The following RAPGEF4 variants were observed in gnomAD, a reference collection of about 807,000 sequenced individuals.
RAPGEF4 encodes Rap guanine nucleotide exchange factor 4.
In RAPGEF4, 66 loss-of-function variants were observed where a neutral mutation model predicts 147.9. The observed-to-expected ratio is 0.45, with a 90% CI of 0.37 to 0.55. RAPGEF4 has a LOEUF of 0.55. Ranked by LOEUF, RAPGEF4 falls within the 20% of genes least tolerant of loss-of-function variation. The pLI, the probability that RAPGEF4 is intolerant of heterozygous loss-of-function variation, is 0.00. For synonymous variants in RAPGEF4, 419 were observed against 442.7 expected (o/e 0.95, Z 0.67); for missense variants, 1,071 against 1,257.3 (o/e 0.85, Z 2.24).
intron 9 of RAPGEF4, among the ~76,000 whole-genome samples, chr2:172,966,274 A>G (rs536297277): frequency 6.6e-6 from 1 of 152,330 alleles, no homozygotes; most frequent in South Asian, 2.1e-4. Flanking sequence ...TGTTTAAGAC[A>G]CTTCCAAACA....
At chr2:172,900,365 G>A (rs968632189) in intron 4 of RAPGEF4, among the ~76,000 whole-genome samples, 14 of 152,150 alleles carry the variant, frequency 9.2e-5, no homozygotes, top group Admixed American at 5.9e-4. Context: ...TCAGCTGCCC[G>A]AGTAGCTGGG....
intron 6 of RAPGEF4, among the ~76,000 whole-genome samples, chr2:172,954,125 G>A (rs1453285460): frequency 6.6e-6 from 1 of 152,136 alleles, no homozygotes; most frequent in Non-Finnish European, 1.5e-5. Flanking sequence ...GTTGAAGTAG[G>A]TAAAACTCAC....
intron 17 of RAPGEF4, among the ~76,000 whole-genome samples, chr2:173,010,036 G>A (rs537130306): frequency 5.3e-5 from 8 of 152,314 alleles, no homozygotes; most frequent in African/African-American, 1.7e-4. Flanking sequence ...TAAGAGAACT[G>A]AGTTCTAGTT....
chr2:173,040,245 T>C (rs1684594577), intron 29 of RAPGEF4, among the ~76,000 whole-genome samples: 1 of 150,808 alleles, frequency 6.6e-6, no homozygotes, highest in African/African-American at 2.4e-5. Flanking sequence ...GAAAATGAAA[T>C]GAAATTTCAA....
intron 6 of RAPGEF4, among the ~76,000 whole-genome samples, chr2:172,960,470 A>G (rs1689169521): frequency 6.6e-6 from 1 of 152,102 alleles, no homozygotes; most frequent in South Asian, 2.1e-4. Context: ...GGCTCTGAAT[A>G]GATATTTATT....
chr2:173,019,145 G>T (rs543712326), intron 22 of RAPGEF4, among the ~76,000 whole-genome samples: 1 of 152,326 alleles, frequency 6.6e-6, no homozygotes, highest in South Asian at 2.1e-4. Flanking sequence ...AGCTGGACAA[G>T]CTCAAGGCCA....
At position 172,983,655 on chromosome 2, in the gene RAPGEF4, C is replaced by T. The variant is rs186824042; in HGVS notation, c.1089+75C>T. 126 of 1,565,340 alleles carry T rather than the reference C, an allele frequency of 8.0e-5. No homozygotes were observed. In the African/African-American group the frequency reaches 1.3e-3, roughly 16 times the overall value. On this transcript the variant is annotated intron_variant, in intron 11 of 30. Coordinates refer to ENST00000397081, the MANE Select transcript of RAPGEF4 (RefSeq NM_007023.4). ...ACTGTTAGGACAGAGGAGAGTATTA[C>T]GGTGTTGTGGGGGGAAAGAATGTCT...
intron 1 of RAPGEF4, among the ~76,000 whole-genome samples, chr2:172,782,368 C>T (rs376293031): frequency 4.6e-5 from 7 of 152,182 alleles, no homozygotes; most frequent in Admixed American, 1.3e-4. Flanking sequence ...CTTCCCCTCC[C>T]GCCATGCTCA....
intron 4 of RAPGEF4, among the ~76,000 whole-genome samples, chr2:172,872,558 G>A (rs1245418853): frequency 1.3e-5 from 2 of 152,106 alleles, no homozygotes; most frequent in African/African-American, 4.8e-5. Flanking sequence ...CTGGTGGGAG[G>A]TGATTGGATC....
At chr2:172,875,331 G>A (rs1425075209) in intron 4 of RAPGEF4, among the ~76,000 whole-genome samples, 1 of 152,130 alleles carries the variant, frequency 6.6e-6, no homozygotes, top group Non-Finnish European at 1.5e-5. Flanking sequence ...CCATGCCTAT[G>A]TCCTGAATGG....
intron 4 of RAPGEF4, among the ~76,000 whole-genome samples, chr2:172,872,637 A>C (rs1338436501): frequency 2.0e-5 from 3 of 151,954 alleles, no homozygotes; most frequent in Admixed American, 1.3e-4. Flanking sequence ...TGATGGTTTA[A>C]AAATATGTGG....
intron 1 of RAPGEF4, among the ~76,000 whole-genome samples, chr2:172,761,530 G>T (rs1311829208): frequency 6.6e-6 from 1 of 152,154 alleles, no homozygotes; most frequent in Non-Finnish European, 1.5e-5. Flanking sequence ...AGGAATGAAG[G>T]GGGAACCAAG....
chr2:172,918,469 C>G (rs935425567), intron 5 of RAPGEF4, among the ~76,000 whole-genome samples: 4 of 151,236 alleles, frequency 2.6e-5, no homozygotes, highest in African/African-American at 9.7e-5. Context: ...AGTCATTTCA[C>G]TAGGTATATG....
At chr2:172,932,410 G>A (rs1686088067) in intron 6 of RAPGEF4, among the ~76,000 whole-genome samples, 1 of 152,192 alleles carries the variant, frequency 6.6e-6, no homozygotes, top group South Asian at 2.1e-4. Flanking sequence ...GAATGGGGCT[G>A]TTAATCAGCG....
At chr2:173,005,969 T>C (rs1039015768) in intron 17 of RAPGEF4, among the ~76,000 whole-genome samples, 3 of 1,988 alleles carry the variant, frequency 1.5e-3, no homozygotes, top group African/African-American at 1.7e-3. Context: ...ATTCATGCCT[T>C]ATTACTCGGT....
chr2:172,960,955 A>G, intron 7 of RAPGEF4, 142 bp downstream of exon 7: 1 of 868,912 alleles, frequency 1.2e-6, no homozygotes, highest in Non-Finnish European at 1.8e-6. Flanking sequence ...TTCAGTTCTC[A>G]ACATAAACCA....
At chr2:172,884,770 T>C (rs1432042067) in intron 4 of RAPGEF4, among the ~76,000 whole-genome samples, 1 of 152,192 alleles carries the variant, frequency 6.6e-6, no homozygotes, top group Non-Finnish European at 1.5e-5. Context: ...TATGGTATTA[T>C]TTTTTTCCAA....
At chr2:172,909,793 G>A (rs1036466069) in intron 4 of RAPGEF4, among the ~76,000 whole-genome samples, 2 of 152,162 alleles carry the variant, frequency 1.3e-5, no homozygotes, top group Non-Finnish European at 2.9e-5. Flanking sequence ...GATATGAACT[G>A]CTTCACAACC....
intron 4 of RAPGEF4, among the ~76,000 whole-genome samples, chr2:172,832,974 T>C (rs1690521981): frequency 6.6e-6 from 1 of 152,198 alleles, no homozygotes; most frequent in African/African-American, 2.4e-5. Context: ...CCAGCCAAGG[T>C]GGGCGGATCG....
Sources: gnomAD v4.1 joint callset for allele counts (sites outside exome capture counted in the v4.1 genomes callset) on GRCh38, gnomAD v4.1.1 for gene constraint, MANE v1.5 for transcripts, NCBI Gene and HGNC (gene_info 2026-07-23, HGNC 2026-07-21) for gene names.